Variants in ARMC10 observed in about 807,000 individuals in gnomAD.
The protein encoded by ARMC10 is armadillo repeat containing 10.
Under a neutral mutation model 30.2 loss-of-function variants are expected in ARMC10, and 23 were observed. The observed-to-expected ratio is 0.76, with a 90% CI of 0.55 to 1.08. ARMC10 has a LOEUF of 1.08. ARMC10 is among the 50% of genes least tolerant of loss of function. The pLI, the probability that ARMC10 is intolerant of heterozygous loss-of-function variation, is 0.00. For missense variants in ARMC10, 303 were observed against 413.7 expected, an observed-to-expected ratio of 0.73 and a Z score of 2.32; for synonymous variants, 111 against 164.4, an observed-to-expected ratio of 0.68 and a Z score of 2.48.
At chr7:103,097,387 A>G (rs767900384) in intron 6 of ARMC10, 39 bp downstream of exon 6, 36 of 1,392,174 alleles carry the variant, frequency 2.6e-5, no homozygotes, top group Non-Finnish European at 3.3e-5. Context: ...ATATACACAT[A>G]TATACATTTG....
intron 2 of ARMC10, among the ~76,000 whole-genome samples, chr7:103,080,550 G>C (rs1192658426): frequency 4.6e-5 from 7 of 151,326 alleles, no homozygotes; most frequent in Admixed American, 4.6e-4. Flanking sequence ...CCACCGTGCT[G>C]GGCCGATAAA....
intron 4 of ARMC10, chr7:103,089,000 A>G (rs541799763): frequency 1.3e-5 from 2 of 154,420 alleles, no homozygotes; most frequent in South Asian, 2.0e-4. Flanking sequence ...AATCACATCA[A>G]TTCCTTTCTT....
chr7:103,094,536 A>G (rs2129524233), intron 5 of ARMC10, among the ~76,000 whole-genome samples: 1 of 152,326 alleles, frequency 6.6e-6, no homozygotes, highest in South Asian at 2.1e-4. Context: ...CTCATTGACT[A>G]TTAGTGGGTC....
At chr7:103,083,656 C>T (rs1800581934) in intron 2 of ARMC10, 26 bp from the exon 3 acceptor site, 2 of 1,590,198 alleles carry the variant, frequency 1.3e-6, no homozygotes, top group Non-Finnish European at 1.7e-6. Context: ...TTTAGCTTAA[C>T]TTCAAATAAC....
At chr7:103,078,246 T>TA (rs1800069844) in intron 2 of ARMC10, among the ~76,000 whole-genome samples, 1 of 152,192 alleles carries the variant, frequency 6.6e-6, no homozygotes, top group Admixed American at 6.5e-5. Flanking sequence ...GTGCTGGAAT[T>TA]ACAGGCATCA....
intron 4 of ARMC10, among the ~76,000 whole-genome samples, 159 bp from the exon 5 acceptor site, chr7:103,092,318 G>A (rs911789687): frequency 8.7e-6 from 1 of 114,716 alleles, no homozygotes; most frequent in Admixed American, 1.3e-4. Context: ...GGGAGACAGC[G>A]AGACTCCGTC....
chr7:103,096,988 A>G, intron 5 of ARMC10: 1 of 428,580 alleles, frequency 2.3e-6, no homozygotes, highest in South Asian at 5.1e-5. Context: ...GGTACAAGAC[A>G]TTTGCAATAT....
intron 3 of ARMC10, among the ~76,000 whole-genome samples, chr7:103,085,717 C>T (rs1261944172): frequency 6.6e-6 from 1 of 151,096 alleles, no homozygotes; most frequent in Non-Finnish European, 1.5e-5. Context: ...CAGGTTCAAG[C>T]GATTCTCCTG....
At chr7:103,079,764 T>C (rs913748763) in intron 2 of ARMC10, among the ~76,000 whole-genome samples, 4 of 152,242 alleles carry the variant, frequency 2.6e-5, no homozygotes, top group Non-Finnish European at 5.9e-5. Context: ...GAAAATATTT[T>C]ATTTGACAGA....
Position 103,075,356 on chromosome 7 carries a change from C to T in ARMC10, c.84C>T (p.Thr28=), listed in dbSNP as rs746871233. The T allele has an allele frequency of 2.4e-5, 30 of 1,273,738 alleles. No individual in the cohort carries two copies. The highest frequency in any genetic ancestry group is 2.8e-5 in the Non-Finnish European group (28 of 1,008,860). The allele number at this position is 1,273,738 out of a possible 1,614,324, so 78.9% of individuals were successfully genotyped here. A position where few individuals can be genotyped will look rare whatever the true frequency, so the allele number is the denominator to read the frequency against. The change falls in exon 1 of 7, where the codon ACC becomes ACT. Residue 28 remains threonine (T), a synonymous_variant. Coordinates refer to ENST00000323716, the MANE Select transcript of ARMC10 (RefSeq NM_031905.5). ...AGACYCIYRL[T]RGRRRGDREL... is the part of the protein sequence containing the mutation. ...CCTGCTACTGCATTTACAGGCTGACCCGGGGTCGGCGGCGGGGCGACCGCG... is the reference window on the plus strand; with the variant it reads ...CCTGCTACTGCATTTACAGGCTGACTCGGGGTCGGCGGCGGGGCGACCGCG...
intron 4 of ARMC10, among the ~76,000 whole-genome samples, chr7:103,090,333 T>C (rs1801201888): frequency 1.3e-5 from 2 of 152,206 alleles, no homozygotes; most frequent in African/African-American, 4.8e-5. Flanking sequence ...GGATGTATAA[T>C]TAAATTGTAA....
At chr7:103,094,219 A>C (rs1377784987) in intron 5 of ARMC10, among the ~76,000 whole-genome samples, 2 of 136,448 alleles carry the variant, frequency 1.5e-5, no homozygotes, top group Non-Finnish European at 3.4e-5. Flanking sequence ...CTGATTGATA[A>C]CTTAATGCAG....
chr7:103,083,515 A>C lies in ARMC10; in HGVS notation c.245-167A>C, dbSNP rs193003801. On this transcript the variant is annotated intron_variant, in intron 2 of 6. Transcript: ENST00000323716. ...TGTGCTAGGACCACAGGTCCTACCTACTTGGGAGGCTGAGGCAGGAAGATC... is the reference window on the plus strand; with the variant it reads ...TGTGCTAGGACCACAGGTCCTACCTCCTTGGGAGGCTGAGGCAGGAAGATC... Among the ~76,000 whole-genome samples, 57 of 152,222 alleles carry C rather than the reference A, an allele frequency of 3.7e-4. 1 individual carries two copies. The highest frequency in any genetic ancestry group is 8.3e-4 in the South Asian group (4 of 4,832).
At chr7:103,089,090 T>A (rs556956403) in intron 4 of ARMC10, 2 of 166,822 alleles carry the variant, frequency 1.2e-5, no homozygotes, top group South Asian at 3.2e-4. Flanking sequence ...TGCAAAAGTC[T>A]TTTTGTCCCT....
At chr7:103,076,743 G>C (rs1292643216) in intron 2 of ARMC10, among the ~76,000 whole-genome samples, 4 of 152,206 alleles carry the variant, frequency 2.6e-5, no homozygotes, top group Non-Finnish European at 5.9e-5. Context: ...GCTGAGGCAG[G>C]AGAATCACTT....
Position 103,075,180 on chromosome 7 carries a change from G to C in ARMC10, c.-93G>C. 1 of 939,224 alleles carries C rather than the reference G, an allele frequency of 1.1e-6. No individual in the cohort carries two copies. The highest frequency in any genetic ancestry group is 1.3e-6 in the Non-Finnish European group (1 of 757,658). The allele number at this position is 939,224 out of a possible 1,614,324, so 58.2% of individuals were successfully genotyped here. On this transcript the variant is annotated 5_prime_UTR_variant, in exon 1 of 7. Coordinates refer to ENST00000323716, the MANE Select transcript of ARMC10 (RefSeq NM_031905.5). ...ATCCAGGTCAGGTGGCGTTTGCTGT[G>C]GCGGCTAGGCCCGCGTGCGCTGGAG...
Position 103,083,761 on chromosome 7 carries a change from G to A in ARMC10, c.324G>A (p.Thr108=), listed in dbSNP as rs374014963. Reference sequence around the variant, plus strand: ...AACTCCTTTACCTGCTGGAGTCAACGGAGGATCCTGTAATTATTGAAAGAG... The same window carrying A: ...AACTCCTTTACCTGCTGGAGTCAACAGAGGATCCTGTAATTATTGAAAGAG... ...LQKLLYLLES[T]EDPVIIERAL... Residue 108 remains threonine (T), a synonymous_variant, in exon 3 of 7, where the codon ACG becomes ACA. Coordinates refer to ENST00000323716, the MANE Select transcript of ARMC10 (RefSeq NM_031905.5). 2.2e-5 allele frequency: 35 copies of A among 1,613,952 alleles called. No homozygotes were observed. The African/African-American group carries it at 2.5e-4, about 12-fold the overall frequency.
At chr7:103,081,693 G>T (rs967499758) in intron 2 of ARMC10, among the ~76,000 whole-genome samples, 6 of 85,088 alleles carry the variant, frequency 7.1e-5, no homozygotes, top group Non-Finnish European at 1.7e-4. Context: ...TTTTAAAAAT[G>T]ACTTCATGAG....
At chr7:103,075,934 C>A in intron 2 of ARMC10, 53 bp downstream of exon 2, 3 of 1,304,668 alleles carry the variant, frequency 2.3e-6, no homozygotes, top group South Asian at 1.5e-5. Flanking sequence ...ACCCTCCCAG[C>A]GGACAAATGC....
Sources: allele counts gnomAD v4.1 joint callset (sites outside exome capture counted in the v4.1 genomes callset), GRCh38; gene constraint gnomAD v4.1.1; transcripts MANE v1.5; gene names NCBI Gene and HGNC (gene_info 2026-07-23, HGNC 2026-07-21).